The following MYH13 variants were observed in gnomAD, a reference collection of about 807,000 sequenced individuals.
The protein encoded by MYH13 is myosin heavy chain 13.
In MYH13, 177 loss-of-function variants were observed where a neutral mutation model predicts 232.1. That is an observed-to-expected ratio of 0.76 (90% CI 0.67 to 0.86). The LOEUF (loss-of-function observed/expected upper bound fraction) is 0.86. Ranked by LOEUF, MYH13 falls within the 40% of genes least tolerant of loss-of-function variation. The pLI, the probability that MYH13 is intolerant of heterozygous loss-of-function variation, is 0.00. For missense variants in MYH13, 2,246 were observed against 2,405.9 expected (o/e 0.93, Z 1.39); for synonymous variants, 884 against 923.5 (o/e 0.96, Z 0.78).
rs1020171421 is a variant in MYH13, at chr17:10,333,089, G to A, written c.2159C>T (p.Ala720Val). Residue 720 changes from alanine to valine, a missense_variant, in exon 19 of 41, where the codon GCT becomes GTT. Transcript: ENST00000252172. ...GGGAACCTACCGCTGCTTGAAGTCA[G>A]CATAGAGGATCCGGCTGGGGAATCC... is the stretch of plus-strand genomic sequence containing the variant. ...RKGFPSRILY[A>V]DFKQRYRILN... is the part of the protein sequence containing the mutation. 6 of 1,550,832 alleles carry A rather than the reference G, an allele frequency of 3.9e-6. No homozygotes were observed. Among genetic ancestry groups the A allele is most frequent in the Admixed American group, 3.9e-5 (2 of 50,990 alleles).
chr17:10,303,959 A>T (rs1014858745), intron 37 of MYH13, among the ~76,000 whole-genome samples: 10 of 152,206 alleles, frequency 6.6e-5, no homozygotes, highest in African/African-American at 1.9e-4. Context: ...GGATGAGTTC[A>T]TGTCCTTTTC....
At position 10,313,197 on chromosome 17, in the gene MYH13, G is replaced by A. The variant is rs754450155; in HGVS notation, c.4142C>T (p.Thr1381Met). ...EVAQWRTKYETDAIQRTEELE... is the reference protein window; with the variant it reads ...EVAQWRTKYEMDAIQRTEELE... ...CTCCTCTGTGCGCTGAATGGCGTCC[G>A]TCTCGTATTTGGTCCTCCACTGGGC... The change falls in exon 30 of 41, where the codon ACG becomes ATG. Residue 1381 changes from threonine to methionine, a missense_variant. Physicochemically the swap from Thr to Met is moderately conservative, Grantham distance 81 (BLOSUM62 -1). Transcript: ENST00000252172. The A allele has an allele frequency of 1.9e-4, 303 of 1,614,018 alleles. 1 individual carries two copies. Among genetic ancestry groups the A allele is most frequent in the Non-Finnish European group, 2.5e-4 (292 of 1,180,030 alleles).
chr17:10,353,747 C>T (rs2071727586), intron 11 of MYH13, among the ~76,000 whole-genome samples: 1 of 152,072 alleles, frequency 6.6e-6, no homozygotes, highest in Non-Finnish European at 1.5e-5. Context: ...TGGTGCATGC[C>T]TTGTAGTTCC....
chr17:10,343,016 G>A (rs1029072238), intron 16 of MYH13, among the ~76,000 whole-genome samples: 46 of 150,924 alleles, frequency 3.0e-4, no homozygotes, highest in African/African-American at 1.0e-3. Flanking sequence ...CTTGAACCCA[G>A]GAGGCAGAGC....
intron 22 of MYH13, among the ~76,000 whole-genome samples, chr17:10,327,162 C>T (rs561281836): frequency 9.4e-4 from 124 of 131,878 alleles, no homozygotes; most frequent in Non-Finnish European, 1.7e-3. Context: ...CCACTACGCC[C>T]GGCTAATTTT....
intron 23 of MYH13, among the ~76,000 whole-genome samples, chr17:10,322,789 A>T (rs541549871): frequency 6.6e-5 from 10 of 151,850 alleles, no homozygotes; most frequent in African/African-American, 2.4e-4. Flanking sequence ...GTCCGCCACC[A>T]CGCCCGGCTA....
rs1358095967 is a variant in MYH13, at chr17:10,306,160, T to C, written c.5466+299A>G. 2.6e-5 allele frequency among the ~76,000 whole-genome samples: 4 copies of C among 151,838 alleles called. No homozygotes were observed. The highest frequency in any genetic ancestry group is 9.7e-5 in the African/African-American group (4 of 41,290). ...ATCTGAATCTGCATAGCAAATGGAA[T>C]GTGAACATTAACATACATCATTATA... is the stretch of plus-strand genomic sequence containing the variant. On this transcript the variant is annotated intron_variant, in intron 37 of 40. Transcript: ENST00000252172. This position sits in a 1 kb window ranked among gnomAD's most constrained non-coding sequence, Gnocchi z 4.3.
At chr17:10,345,991 CAAAAAAAAA>C (rs1211414796) in intron 13 of MYH13, among the ~76,000 whole-genome samples, 2 of 83,084 alleles carry the variant, frequency 2.4e-5, no homozygotes, top group Admixed American at 1.7e-4. Flanking sequence ...GACTCTGTCT[CAAAAAAAAA>C]AAAAAAAAAA....
intron 7 of MYH13, among the ~76,000 whole-genome samples, chr17:10,359,585 C>T (rs1012992278): frequency 6.6e-6 from 1 of 152,142 alleles, no homozygotes; most frequent in African/African-American, 2.4e-5. Flanking sequence ...GTGAGCTCCT[C>T]CCAATTAATA....
chr17:10,363,245 G>A (rs2071807508), intron 3 of MYH13, among the ~76,000 whole-genome samples: 1 of 150,388 alleles, frequency 6.6e-6, no homozygotes, highest in South Asian at 2.1e-4. Flanking sequence ...GAATCCGGGA[G>A]GCGGAGCTTG....
chr17:10,315,898 C>A lies in MYH13; in HGVS notation c.3865+1G>T. On this transcript the variant is annotated splice_donor_variant, in intron 28 of 40. Coordinates refer to ENST00000252172, the MANE Select transcript of MYH13 (RefSeq NM_003802.3). LOFTEE classifies it high-confidence loss of function. ...GGACCCAGAGCCCTGCCCATTCTCA[C>A]CATTTTGGGTCTGCAGTCTTGCTTT... is the stretch of plus-strand genomic sequence containing the variant. 6.2e-7 allele frequency: 1 copy of A among 1,613,992 alleles called. No individual in the cohort carries two copies. Among genetic ancestry groups the A allele is most frequent in the Non-Finnish European group, 8.5e-7 (1 of 1,179,906 alleles).
chr17:10,312,816 C>T (rs954162598), intron 30 of MYH13, 59 bp from the exon 31 acceptor site: 4 of 1,523,320 alleles, frequency 2.6e-6, no homozygotes, highest in African/African-American at 2.8e-5. Flanking sequence ...CAGTAGGTAA[C>T]TGTCAGATGG....
chr17:10,355,992 G>GA (rs1455713738), intron 8 of MYH13, among the ~76,000 whole-genome samples: 1 of 152,000 alleles, frequency 6.6e-6, no homozygotes, highest in Non-Finnish European at 1.5e-5. Flanking sequence ...GCTGCCAAAA[G>GA]AACAACTCAG....
rs946283468 is a variant in MYH13, at chr17:10,327,747, A to C, written c.2691+119T>G. ...GCAAGGTGGTGCTGCAATACTCCAC[A>C]TGACCACTGGGTGGCACCACTGTCT... On this transcript the variant is annotated intron_variant, in intron 22 of 40. Coordinates refer to ENST00000252172, the MANE Select transcript of MYH13 (RefSeq NM_003802.3). The C allele has an allele frequency of 3.8e-6, 5 of 1,306,582 alleles. No individual in the cohort carries two copies. The African/African-American group carries it at 6.0e-5, about 16-fold the overall frequency. 80.9% of individuals were successfully genotyped at this position (1,306,582 alleles called of 1,614,324 possible). A position where few individuals can be genotyped will look rare whatever the true frequency, so the allele number is the denominator to read the frequency against.
Position 10,364,636 on chromosome 17 carries a change from TCAAA to T in MYH13, c.-12-98_-12-95del. The T allele has an allele frequency of 3.7e-6, 4 of 1,092,844 alleles. No individual in the cohort carries two copies. The South Asian group carries it at 5.7e-5, about 16-fold the overall frequency. The allele number at this position is 1,092,844 out of a possible 1,614,324, so 67.7% of individuals were successfully genotyped here. ...TTATTCTATTAAAACGGGGCCAGATTCAAAGGCTCCTAGATTGAACATAGGTCCT... is the reference window on the plus strand; with the variant it reads ...TTATTCTATTAAAACGGGGCCAGATTGGCTCCTAGATTGAACATAGGTCCT... On this transcript the variant is annotated intron_variant, in intron 2 of 40. Coordinates refer to ENST00000252172, the MANE Select transcript of MYH13 (RefSeq NM_003802.3).
intron 8 of MYH13, among the ~76,000 whole-genome samples, chr17:10,355,632 A>T (rs566657817): frequency 6.6e-6 from 1 of 152,190 alleles, no homozygotes; most frequent in East Asian, 1.9e-4. Context: ...GTCAGCAAGG[A>T]CTCAGGTAGC....
intron 13 of MYH13, among the ~76,000 whole-genome samples, chr17:10,345,865 C>T (rs958808607): frequency 2.0e-5 from 3 of 151,664 alleles, no homozygotes; most frequent in South Asian, 4.2e-4. Context: ...TGGTGGCAGG[C>T]GCCTGTAGTC....
chr17:10,326,436 A>G (rs535314417), intron 22 of MYH13, among the ~76,000 whole-genome samples: 4 of 152,148 alleles, frequency 2.6e-5, no homozygotes, highest in African/African-American at 9.7e-5. Flanking sequence ...AGAGACAATT[A>G]TACTGCCCCA....
At chr17:10,358,913 C>T (rs2071769901) in intron 7 of MYH13, among the ~76,000 whole-genome samples, 3 of 152,222 alleles carry the variant, frequency 2.0e-5, no homozygotes, top group Admixed American at 1.3e-4. Flanking sequence ...TGTAAACATT[C>T]CTTCTCCAGA....
Sources: allele counts gnomAD v4.1 joint callset (sites outside exome capture counted in the v4.1 genomes callset), GRCh38; gene constraint gnomAD v4.1.1; non-coding constraint Gnocchi (gnomAD v3.1); transcripts MANE v1.5; gene names NCBI Gene and HGNC (gene_info 2026-07-23, HGNC 2026-07-21).